Variants in LRP1B observed in about 807,000 individuals in gnomAD.
The protein encoded by LRP1B is low-density lipoprotein receptor-related protein 1B.
In LRP1B, 217 loss-of-function variants were observed where a neutral mutation model predicts 556.6. That is an observed-to-expected ratio of 0.39 (90% CI 0.35 to 0.44). The LOEUF is 0.44. Ranked by LOEUF, LRP1B falls within the 20% of genes least tolerant of loss-of-function variation. The pLI is 1.00. For missense variants in LRP1B, 5,053 were observed against 5,620.8 expected (o/e 0.90, Z 3.23); for synonymous variants, 2,047 against 1,865.8 (o/e 1.10, Z -2.50).
intron 1 of LRP1B, among the ~76,000 whole-genome samples, chr2:142,110,886 T>C (rs1302154817): frequency 1.3e-5 from 2 of 152,210 alleles, no homozygotes; most frequent in South Asian, 2.1e-4. Flanking sequence ...GATATCCATC[T>C]ATGGCAGCAA....
intron 60 of LRP1B, among the ~76,000 whole-genome samples, chr2:140,461,261 G>A (rs1356235236): frequency 6.6e-6 from 1 of 151,738 alleles, no homozygotes; most frequent in East Asian, 1.9e-4. Context: ...TTGTTTTTCT[G>A]ACTAATCTAC....
intron 11 of LRP1B, among the ~76,000 whole-genome samples, chr2:141,033,986 G>A (rs1487708929): frequency 6.6e-6 from 1 of 151,976 alleles, no homozygotes; most frequent in Non-Finnish European, 1.5e-5. Context: ...ATGCTTCTAG[G>A]GGTATACTTA....
At chr2:141,064,659 G>GT (rs1302163211) in intron 7 of LRP1B, among the ~76,000 whole-genome samples, 1 of 151,854 alleles carries the variant, frequency 6.6e-6, no homozygotes, top group Non-Finnish European at 1.5e-5. Flanking sequence ...TGCAGCTATT[G>GT]AGTGCCTATA....
chr2:141,281,871 G>A (rs1031012420), intron 3 of LRP1B, among the ~76,000 whole-genome samples: 3 of 152,014 alleles, frequency 2.0e-5, no homozygotes, highest in African/African-American at 7.2e-5. Context: ...GAGATCACTT[G>A]ATCCTTCCAA....
At chr2:141,527,014 T>C (rs1424000632) in intron 2 of LRP1B, among the ~76,000 whole-genome samples, 2 of 152,098 alleles carry the variant, frequency 1.3e-5, no homozygotes, top group Non-Finnish European at 2.9e-5. Flanking sequence ...GACAGAAACA[T>C]ACGAATACAT....
intron 47 of LRP1B, 97 bp downstream of exon 47, chr2:140,533,924 G>C: frequency 7.8e-7 from 1 of 1,282,092 alleles, no homozygotes. Context: ...ATGTTACTAG[G>C]TGTTATATGC....
At chr2:140,945,250 T>C (rs368382240) in intron 20 of LRP1B, among the ~76,000 whole-genome samples, 1 of 152,172 alleles carries the variant, frequency 6.6e-6, no homozygotes, top group East Asian at 1.9e-4. Context: ...TTCATGCTCA[T>C]GGATTGCAAT....
At chr2:141,846,905 T>G (rs1043678271) in intron 1 of LRP1B, among the ~76,000 whole-genome samples, 3 of 151,534 alleles carry the variant, frequency 2.0e-5, no homozygotes, top group African/African-American at 7.3e-5. Flanking sequence ...TTCTGATGCG[T>G]TTCTTTGAAG....
At chr2:141,505,925 C>A (rs1257117332) in intron 2 of LRP1B, among the ~76,000 whole-genome samples, 1 of 152,046 alleles carries the variant, frequency 6.6e-6, no homozygotes, top group Admixed American at 6.6e-5. Context: ...TCTTTATGCA[C>A]CAACCACTGT....
intron 23 of LRP1B, among the ~76,000 whole-genome samples, chr2:140,890,846 T>TA (rs201936434): frequency 0.011 from 1,603 of 152,136 alleles, 21 homozygotes; most frequent in African/African-American, 0.032. Context: ...TGAAACCTTG[T>TA]AAAAAAGTAT....
intron 35 of LRP1B, among the ~76,000 whole-genome samples, chr2:140,742,860 A>C (rs1688187649): frequency 6.6e-6 from 1 of 152,188 alleles, no homozygotes. Context: ...ATAGCTACCC[A>C]CTAATAATAT....
chr2:141,547,894 T>C (rs1685610319), intron 2 of LRP1B, among the ~76,000 whole-genome samples: 1 of 152,172 alleles, frequency 6.6e-6, no homozygotes, highest in Non-Finnish European at 1.5e-5. Flanking sequence ...TGTATCTTCA[T>C]ATATATTTTT....
intron 1 of LRP1B, among the ~76,000 whole-genome samples, chr2:142,125,038 GA>G (rs1045189295): frequency 2.6e-5 from 4 of 151,938 alleles, no homozygotes; most frequent in Non-Finnish European, 4.4e-5. Flanking sequence ...AGGATGGAGA[GA>G]AAGAGAGATG....
At chr2:140,650,732 C>A (rs1440640386) in intron 41 of LRP1B, among the ~76,000 whole-genome samples, 1 of 152,042 alleles carries the variant, frequency 6.6e-6, no homozygotes, top group East Asian at 1.9e-4. Context: ...GAAGTGTCTC[C>A]CACTGAAACA....
chr2:141,552,267 G>C (rs981493042), intron 2 of LRP1B, among the ~76,000 whole-genome samples: 3 of 151,892 alleles, frequency 2.0e-5, no homozygotes, highest in Non-Finnish European at 2.9e-5. Context: ...ATTATTTCTA[G>C]TGAAAAATGT....
At chr2:140,421,542 A>G (rs1308934774) in intron 66 of LRP1B, among the ~76,000 whole-genome samples, 1 of 152,166 alleles carries the variant, frequency 6.6e-6, no homozygotes, top group Non-Finnish European at 1.5e-5. Flanking sequence ...GTCTTAAAAT[A>G]CCATGTTATT....
chr2:140,596,556 T>C (rs1682448472), intron 43 of LRP1B, among the ~76,000 whole-genome samples: 2 of 152,230 alleles, frequency 1.3e-5, no homozygotes, highest in South Asian at 4.1e-4. Context: ...AAATATTTAC[T>C]GTGCAAAGTG....
intron 7 of LRP1B, among the ~76,000 whole-genome samples, chr2:141,152,698 T>TTATATATATAATTATATATTATA (rs1701954824): frequency 6.6e-6 from 1 of 151,842 alleles, no homozygotes; most frequent in Non-Finnish European, 1.5e-5. Flanking sequence ...GCATATATTA[T>TTATATATATAATTATATATTATA]TATATAATAC....
At chr2:141,313,284 T>G (rs1438197812) in intron 3 of LRP1B, among the ~76,000 whole-genome samples, 1 of 152,114 alleles carries the variant, frequency 6.6e-6, no homozygotes, top group East Asian at 1.9e-4. Flanking sequence ...CCTTTGAATC[T>G]AAAATGTGAC....
Sources: allele counts gnomAD v4.1 joint callset (sites outside exome capture counted in the v4.1 genomes callset), GRCh38; gene constraint gnomAD v4.1.1; transcripts MANE v1.5; gene names NCBI Gene and HGNC (gene_info 2026-07-23, HGNC 2026-07-21).